Variants in CACNB2 observed in about 807,000 individuals in gnomAD.
CACNB2 encodes the protein voltage-dependent L-type calcium channel subunit beta-2.
A neutral mutation model predicts 73.3 loss-of-function variants in CACNB2; 42 were observed. The observed-to-expected ratio is 0.57, with a 90% confidence interval of 0.45 to 0.74. The LOEUF is 0.74. CACNB2 is among the 30% of genes least tolerant of loss of function. The pLI is 0.00. For missense variants in CACNB2, 940 were observed against 853.0 expected, an observed-to-expected ratio of 1.10 and a Z score of -1.27; for synonymous variants, 348 against 310.3, an observed-to-expected ratio of 1.12 and a Z score of -1.28.
At chr10:18,312,549 G>A (rs1029836020) in intron 2 of CACNB2, among the ~76,000 whole-genome samples, 1 of 152,176 alleles carries the variant, frequency 6.6e-6, no homozygotes, top group African/African-American at 2.4e-5. Flanking sequence ...ACAGAGCTCT[G>A]TTAAGGTCAC....
chr10:18,242,148 A>G lies in CACNB2; in HGVS notation c.213+91173A>G, dbSNP rs2036680507. Among the ~76,000 whole-genome samples, 5 of 151,982 alleles carry G rather than the reference A, an allele frequency of 3.3e-5. No homozygotes were observed. The South Asian group carries it at 1.0e-3, about 32-fold the overall frequency. On this transcript the variant is annotated intron_variant, in intron 2 of 13. Coordinates refer to ENST00000324631, the MANE Select transcript of CACNB2 (RefSeq NM_201596.3). ...GTGTATATATATATATACACACAAT[A>G]AGACACTTAAGAAAATGAATGTCCT...
chr10:18,393,685 T>A (rs1198588424), intron 2 of CACNB2, among the ~76,000 whole-genome samples: 1 of 152,220 alleles, frequency 6.6e-6, no homozygotes, highest in Non-Finnish European at 1.5e-5. Context: ...AAGGCCAGCT[T>A]GCCAAAGTTC....
chr10:18,191,041 A>G lies in CACNB2; in HGVS notation c.213+40066A>G, dbSNP rs564001769. On this transcript the variant is annotated intron_variant, in intron 2 of 13. Coordinates refer to ENST00000324631, the MANE Select transcript of CACNB2 (RefSeq NM_201596.3). ...TGAATAGGCTGCCTTAGAAGGTTAC[A>G]GTAAACCAGGTGCGGGACAATGATG... is the stretch of plus-strand genomic sequence containing the variant. 1.0e-3 allele frequency among the ~76,000 whole-genome samples: 154 copies of G among 152,368 alleles called. 1 individual carries two copies. The highest frequency in any genetic ancestry group is 1.9e-3 in the Non-Finnish European group (128 of 68,036).
chr10:18,212,192 A>G (rs904196438), intron 2 of CACNB2, among the ~76,000 whole-genome samples: 5 of 152,072 alleles, frequency 3.3e-5, no homozygotes, highest in African/African-American at 1.2e-4. Context: ...TTTACTCAAT[A>G]TTGCACTTCT....
chr10:18,281,846 A>G (rs2038561680), intron 2 of CACNB2, among the ~76,000 whole-genome samples: 4 of 151,888 alleles, frequency 2.6e-5, no homozygotes, highest in Admixed American at 2.6e-4. Flanking sequence ...CGGGCATGAT[A>G]GTGCATGGCT....
rs1420256596 is a variant in CACNB2, at chr10:18,498,468, T to C, written c.447T>C (p.His149=). ...AISFEAKDFL[H]VKEKFNNDWW... is the part of the protein sequence containing the mutation. Reference sequence around the variant, plus strand: ...CATTCGAAGCAAAAGATTTTCTGCATGTTAAGGAAGTAAGGAGAATAATTT... The same window carrying C: ...CATTCGAAGCAAAAGATTTTCTGCACGTTAAGGAAGTAAGGAGAATAATTT... Residue 149 remains histidine (H), a synonymous_variant, in exon 4 of 14, where the codon CAT becomes CAC. Coordinates refer to ENST00000324631, the MANE Select transcript of CACNB2 (RefSeq NM_201596.3). 1 of 1,614,104 alleles carries C rather than the reference T, an allele frequency of 6.2e-7. No individual in the cohort carries two copies. Among genetic ancestry groups the C allele is most frequent in the Non-Finnish European group, 8.5e-7 (1 of 1,179,950 alleles).
intron 2 of CACNB2, among the ~76,000 whole-genome samples, chr10:18,159,676 T>C (rs1399087745): frequency 6.6e-6 from 1 of 152,168 alleles, no homozygotes; most frequent in African/African-American, 2.4e-5. Context: ...AAATGATTAA[T>C]CACAGAGGCA....
At chr10:18,524,957 G>A (rs893081808) in intron 9 of CACNB2, among the ~76,000 whole-genome samples, 1 of 149,570 alleles carries the variant, frequency 6.7e-6, no homozygotes, top group Non-Finnish European at 1.5e-5. Context: ...TTGAGCCTGG[G>A]AGGTTGAGGC....
At chr10:18,482,613 C>A (rs1472159163) in intron 3 of CACNB2, among the ~76,000 whole-genome samples, 1 of 152,098 alleles carries the variant, frequency 6.6e-6, no homozygotes, top group Non-Finnish European at 1.5e-5. Context: ...CGGGTTCAAG[C>A]GATTCTCCTG....
chr10:18,409,624 C>T (rs534654006), intron 3 of CACNB2, among the ~76,000 whole-genome samples: 2 of 152,312 alleles, frequency 1.3e-5, no homozygotes, highest in African/African-American at 4.8e-5. Flanking sequence ...AAGAGGAAGA[C>T]ATTGTAAAGC....
chr10:18,517,669 G>A (rs1169162132), intron 7 of CACNB2, among the ~76,000 whole-genome samples: 1 of 152,110 alleles, frequency 6.6e-6, no homozygotes, highest in Non-Finnish European at 1.5e-5. Context: ...CCAAGGTATA[G>A]AAACCAAAAA....
intron 2 of CACNB2, among the ~76,000 whole-genome samples, chr10:18,364,062 C>G (rs534901663): frequency 1.3e-5 from 2 of 151,808 alleles, no homozygotes; most frequent in South Asian, 4.2e-4. Flanking sequence ...ATTCTCCAGC[C>G]TTGCCTCCTG....
At position 18,472,959 on chromosome 10, in the gene CACNB2, T is replaced by G. The variant is rs529571810; in HGVS notation, c.334-25396T>G. The stretch of plus-strand genomic sequence containing the variant: ...TGCTGAAAATGATGCAAAATCAAAT[T>G]TGAGCATCGCTGCTGTAGAATACAT... On this transcript the variant is annotated intron_variant, in intron 3 of 13. Coordinates refer to ENST00000324631, the MANE Select transcript of CACNB2 (RefSeq NM_201596.3). 3.9e-5 allele frequency among the ~76,000 whole-genome samples: 6 copies of G among 152,344 alleles called. No individual in the cohort carries two copies. In the East Asian group the frequency reaches 1.2e-3, roughly 29 times the overall value.
chr10:18,375,308 A>C (rs1225072770), intron 2 of CACNB2, among the ~76,000 whole-genome samples: 1 of 152,202 alleles, frequency 6.6e-6, no homozygotes, highest in Non-Finnish European at 1.5e-5. Context: ...CACCAATGCC[A>C]TAGGGAAAAA....
intron 3 of CACNB2, among the ~76,000 whole-genome samples, chr10:18,494,514 C>T (rs567991708): frequency 6.6e-6 from 1 of 151,898 alleles, no homozygotes; most frequent in South Asian, 2.1e-4. Context: ...CACCTGTAGT[C>T]CCAGCTACTC....
At chr10:18,275,930 G>C (rs919151322) in intron 2 of CACNB2, among the ~76,000 whole-genome samples, 1 of 152,152 alleles carries the variant, frequency 6.6e-6, no homozygotes, top group Non-Finnish European at 1.5e-5. Context: ...TTCAAAATAC[G>C]TTACTTAATT....
At chr10:18,209,891 A>G (rs1285292710) in intron 2 of CACNB2, among the ~76,000 whole-genome samples, 1 of 152,230 alleles carries the variant, frequency 6.6e-6, no homozygotes, top group African/African-American at 2.4e-5. Context: ...AAGATAAAAT[A>G]CTAGTTCAGA....
chr10:18,207,458 G>T (rs2035142376), intron 2 of CACNB2, among the ~76,000 whole-genome samples: 1 of 152,142 alleles, frequency 6.6e-6, no homozygotes, highest in Non-Finnish European at 1.5e-5. Flanking sequence ...ACTATCCATG[G>T]TTTCAGGCAT....
intron 3 of CACNB2, among the ~76,000 whole-genome samples, chr10:18,482,817 T>C (rs2048855036): frequency 6.6e-6 from 1 of 152,136 alleles, no homozygotes; most frequent in South Asian, 2.1e-4. Flanking sequence ...AGGCCTGGGG[T>C]ATCTTTATTA....
Sources: allele counts gnomAD v4.1 joint callset (sites outside exome capture counted in the v4.1 genomes callset), GRCh38; gene constraint gnomAD v4.1.1; transcripts MANE v1.5; gene names NCBI Gene and HGNC (gene_info 2026-07-23, HGNC 2026-07-21).